The following FSIP1 variants were observed in gnomAD, a reference collection of about 807,000 sequenced individuals.
The protein encoded by FSIP1 is fibrous sheath-interacting protein 1.
A neutral mutation model predicts 60.9 loss-of-function variants in FSIP1; 65 were observed. That is an observed-to-expected ratio of 1.07 (90% confidence interval 0.87 to 1.31). The LOEUF is 1.31. Ranked by LOEUF, FSIP1 falls within the 40% of genes most tolerant of loss-of-function variation. The pLI, the probability that FSIP1 is intolerant of heterozygous loss-of-function variation, is 0.00. For synonymous variants in FSIP1, 209 were observed against 221.2 expected, an observed-to-expected ratio of 0.94 and a Z score of 0.49; for missense variants, 675 against 665.5, an observed-to-expected ratio of 1.01 and a Z score of -0.16.
At chr15:39,619,463 T>C (rs958418622) in intron 10 of FSIP1, among the ~76,000 whole-genome samples, 24 of 152,138 alleles carry the variant, frequency 1.6e-4, no homozygotes, top group Non-Finnish European at 2.4e-4. Flanking sequence ...AAGGTTAATA[T>C]ACATGTCAAG....
intron 9 of FSIP1, among the ~76,000 whole-genome samples, chr15:39,716,817 T>TTTC (rs1286391639): frequency 1.4e-4 from 18 of 131,690 alleles, no homozygotes; most frequent in Admixed American, 2.2e-4. Context: ...CATGTCTTTT[T>TTTC]TTTTTTTTTT....
At chr15:39,718,214 A>G (rs1480211765) in intron 9 of FSIP1, among the ~76,000 whole-genome samples, 1 of 151,878 alleles carries the variant, frequency 6.6e-6, no homozygotes, top group East Asian at 1.9e-4. Flanking sequence ...AGATATATAC[A>G]TAGATAGATA....
chr15:39,662,616 A>T (rs531179752), intron 10 of FSIP1, among the ~76,000 whole-genome samples: 1 of 152,272 alleles, frequency 6.6e-6, no homozygotes, highest in Non-Finnish European at 1.5e-5. Context: ...ACTCAACAGT[A>T]CTGAGAAATC....
intron 10 of FSIP1, among the ~76,000 whole-genome samples, chr15:39,671,550 C>A (rs1357170387): frequency 6.6e-6 from 1 of 152,130 alleles, no homozygotes; most frequent in Non-Finnish European, 1.5e-5. Context: ...CTGGGCGCAA[C>A]CACCAAATTT....
intron 10 of FSIP1, among the ~76,000 whole-genome samples, chr15:39,676,739 C>T (rs1254007827): frequency 2.0e-5 from 3 of 152,222 alleles, no homozygotes; most frequent in African/African-American, 7.2e-5. Flanking sequence ...ACTGGAAAAT[C>T]TGCTCTTCCT....
intron 10 of FSIP1, among the ~76,000 whole-genome samples, chr15:39,631,342 G>A (rs889926917): frequency 1.3e-5 from 2 of 152,160 alleles, no homozygotes; most frequent in African/African-American, 4.8e-5. Context: ...TATGACAATG[G>A]TTTAAGCAAT....
intron 5 of FSIP1, among the ~76,000 whole-genome samples, chr15:39,746,648 G>T (rs1417863689): frequency 2.6e-5 from 4 of 152,080 alleles, no homozygotes; most frequent in African/African-American, 9.7e-5. Flanking sequence ...CAGCATCCTG[G>T]TAATCAATGG....
At chr15:39,748,892 A>G (rs78761664) in intron 5 of FSIP1, among the ~76,000 whole-genome samples, 2,421 of 152,026 alleles carry the variant, frequency 0.016, 79 homozygotes, top group African/African-American at 0.055. Context: ...TGTTTTTCTG[A>G]AAAATCAAAA....
intron 5 of FSIP1, among the ~76,000 whole-genome samples, chr15:39,745,420 A>C (rs1373283041): frequency 6.6e-6 from 1 of 152,236 alleles, no homozygotes; most frequent in Non-Finnish European, 1.5e-5. Flanking sequence ...CTTCTAAATA[A>C]AGACCAAAAC....
chr15:39,768,752 TAAC>T (rs2140715608), intron 3 of FSIP1, among the ~76,000 whole-genome samples: 1 of 152,318 alleles, frequency 6.6e-6, no homozygotes, highest in South Asian at 2.1e-4. Context: ...CACCAAAACT[TAAC>T]AGGGGTGGTT....
chr15:39,776,729 T>A (rs1898076920), intron 1 of FSIP1, among the ~76,000 whole-genome samples, 198 bp from the exon 2 acceptor site: 1 of 152,166 alleles, frequency 6.6e-6, no homozygotes. Flanking sequence ...ACAGTATGCA[T>A]AAAATATACT....
At chr15:39,710,768 C>T (rs58878379) in intron 10 of FSIP1, among the ~76,000 whole-genome samples, 18,900 of 152,198 alleles carry the variant, frequency 0.12, 1,400 homozygotes, top group African/African-American at 0.2. Context: ...ACCTCTCTTT[C>T]GCTCCATTTC....
intron 10 of FSIP1, among the ~76,000 whole-genome samples, chr15:39,688,801 T>G (rs531825990): frequency 1.1e-4 from 16 of 152,184 alleles, no homozygotes; most frequent in Non-Finnish European, 2.2e-4. Context: ...GCCTAACACC[T>G]GTGGGTGAGG....
chr15:39,622,221 G>A (rs1315332494), intron 10 of FSIP1, among the ~76,000 whole-genome samples: 3 of 152,114 alleles, frequency 2.0e-5, no homozygotes, highest in Non-Finnish European at 4.4e-5. Flanking sequence ...TAATTTCCCA[G>A]TATTCCATAA....
At chr15:39,629,498 G>A (rs981907360) in intron 10 of FSIP1, among the ~76,000 whole-genome samples, 1 of 152,150 alleles carries the variant, frequency 6.6e-6, no homozygotes, top group South Asian at 2.1e-4. Flanking sequence ...CATGTTCCAC[G>A]CACAGGGGCA....
chr15:39,675,036 A>T (rs1893881879), intron 10 of FSIP1, among the ~76,000 whole-genome samples: 1 of 151,904 alleles, frequency 6.6e-6, no homozygotes, highest in African/African-American at 2.4e-5. Flanking sequence ...AGACATGAAT[A>T]GGCTTTTTTT....
At chr15:39,627,756 A>ATATTTACTC (rs1891702909) in intron 10 of FSIP1, among the ~76,000 whole-genome samples, 1 of 152,216 alleles carries the variant, frequency 6.6e-6, no homozygotes, top group Admixed American at 6.5e-5. Flanking sequence ...TACAGCTCTT[A>ATATTTACTC]TATTTACTCT....
At chr15:39,606,773 A>G (rs1400526609) in intron 11 of FSIP1, among the ~76,000 whole-genome samples, 1 of 152,032 alleles carries the variant, frequency 6.6e-6, no homozygotes, top group African/African-American at 2.4e-5. Flanking sequence ...TATGTTTGTT[A>G]TTTGCTAATA....
chr15:39,748,144 T>C (rs1392611002), intron 5 of FSIP1, among the ~76,000 whole-genome samples: 1 of 152,176 alleles, frequency 6.6e-6, no homozygotes, highest in Non-Finnish European at 1.5e-5. Flanking sequence ...TGTCATTTCA[T>C]GTTAATATAC....
Sources: allele counts gnomAD v4.1 joint callset (sites outside exome capture counted in the v4.1 genomes callset), GRCh38; gene constraint gnomAD v4.1.1; transcripts MANE v1.5; gene names NCBI Gene and HGNC (gene_info 2026-07-23, HGNC 2026-07-21).